The following DLGAP2 variants were observed in gnomAD, a reference collection of about 807,000 sequenced individuals.
DLGAP2 encodes the protein disks large-associated protein 2.
In DLGAP2, 26 loss-of-function variants were observed where a neutral mutation model predicts 100.3. That is an observed-to-expected ratio of 0.26 (90% CI 0.19 to 0.36). The LOEUF is 0.36. Among genes scored for constraint, DLGAP2 ranks in the 10% least tolerant of loss-of-function variants. The probability of loss-of-function intolerance (pLI) is 1.00; values close to 1 mark genes in which losing one functional copy is unlikely to be tolerated. For missense variants in DLGAP2, 1,858 were observed against 1,453.2 expected (o/e 1.28, Z -4.53); for synonymous variants, 886 against 630.1 (o/e 1.41, Z -6.08).
chr8:746,424 G>A (rs1030455198), intron 1 of DLGAP2, among the ~76,000 whole-genome samples: 6 of 152,222 alleles, frequency 3.9e-5, no homozygotes, highest in African/African-American at 1.2e-4. Context: ...ATTGGATCCC[G>A]TGTGGGGTCA....
intron 2 of DLGAP2, among the ~76,000 whole-genome samples, chr8:978,795 T>C (rs1381905637): frequency 6.6e-6 from 1 of 152,156 alleles, no homozygotes; most frequent in Non-Finnish European, 1.5e-5. Flanking sequence ...TGAAGACTTT[T>C]CAAACAGCTT....
At chr8:1,254,992 GT>G (rs1563043289) in intron 2 of DLGAP2, among the ~76,000 whole-genome samples, 1 of 129,476 alleles carries the variant, frequency 7.7e-6, no homozygotes, top group African/African-American at 3.3e-5. Flanking sequence ...CTGTGTGTGT[GT>G]CCTCTCATCC....
intron 1 of DLGAP2, among the ~76,000 whole-genome samples, chr8:812,863 A>G (rs532068182): frequency 6.6e-6 from 1 of 152,326 alleles, no homozygotes; most frequent in East Asian, 1.9e-4. Flanking sequence ...ATCCTAATGC[A>G]CCCATAGTAA....
At chr8:1,344,198 G>GGGGCGCTGTCGTGGGTCCATGTATTCA (rs1801501129) in intron 3 of DLGAP2, among the ~76,000 whole-genome samples, 1 of 119,666 alleles carries the variant, frequency 8.4e-6, no homozygotes, top group Non-Finnish European at 1.8e-5. Context: ...CCGTGTACTC[G>GGGGCGCTGTCGTGGGTCCATGTATTCA]GGGCCCTGTC....
intron 1 of DLGAP2, among the ~76,000 whole-genome samples, chr8:873,213 T>C (rs189763485): frequency 2.5e-4 from 38 of 152,394 alleles, no homozygotes; most frequent in African/African-American, 8.7e-4. Context: ...AACTCATTTA[T>C]TAATTCTAAT....
chr8:1,135,717 C>G (rs1796396199), intron 2 of DLGAP2, among the ~76,000 whole-genome samples: 1 of 152,102 alleles, frequency 6.6e-6, no homozygotes, highest in Non-Finnish European at 1.5e-5. Flanking sequence ...AAAGCCAAAC[C>G]TCTCCATGGA....
intron 12 of DLGAP2, among the ~76,000 whole-genome samples, chr8:1,690,139 G>A (rs545772182): frequency 2.6e-5 from 4 of 151,546 alleles, no homozygotes; most frequent in South Asian, 2.1e-4. Flanking sequence ...GCTGATCACC[G>A]GAGGTCAGGA....
At chr8:1,672,559 C>T (rs1798717542) in intron 10 of DLGAP2, among the ~76,000 whole-genome samples, 1 of 152,168 alleles carries the variant, frequency 6.6e-6, no homozygotes, top group Non-Finnish European at 1.5e-5. Flanking sequence ...GTGATCTCAC[C>T]AGGTTGTGAG....
At chr8:1,600,700 C>T (rs1378835800) in intron 6 of DLGAP2, among the ~76,000 whole-genome samples, 1 of 152,198 alleles carries the variant, frequency 6.6e-6, no homozygotes, top group African/African-American at 2.4e-5. Context: ...ACGAAGTTCT[C>T]ATGCTGCGTT....
intron 3 of DLGAP2, among the ~76,000 whole-genome samples, chr8:1,340,548 G>A (rs1256318297): frequency 6.6e-6 from 1 of 152,198 alleles, no homozygotes; most frequent in Non-Finnish European, 1.5e-5. Context: ...ACAGCAGTCA[G>A]AATGGCGGTT....
intron 6 of DLGAP2, among the ~76,000 whole-genome samples, chr8:1,605,396 A>G (rs1364648825): frequency 6.6e-6 from 1 of 152,146 alleles, no homozygotes; most frequent in African/African-American, 2.4e-5. Flanking sequence ...CTTGAGAAGC[A>G]AAGTGGTCTC....
At chr8:1,542,982 G>A (rs533662725) in intron 4 of DLGAP2, among the ~76,000 whole-genome samples, 1 of 152,158 alleles carries the variant, frequency 6.6e-6, no homozygotes, top group Non-Finnish European at 1.5e-5. Flanking sequence ...ACGCCTTTCT[G>A]TGTGCTCTTT....
intron 2 of DLGAP2, among the ~76,000 whole-genome samples, chr8:1,098,432 C>G (rs1230206365): frequency 2.0e-5 from 3 of 152,190 alleles, no homozygotes; most frequent in African/African-American, 7.2e-5. Flanking sequence ...GCCTCCCGGG[C>G]AGGTTTGCTT....
intron 1 of DLGAP2, among the ~76,000 whole-genome samples, chr8:783,175 G>T (rs1044893006): frequency 2.0e-5 from 3 of 152,188 alleles, no homozygotes; most frequent in African/African-American, 7.2e-5. Context: ...AAGTATCCCA[G>T]ATATTAATAC....
At chr8:1,169,586 A>G (rs1326091007) in intron 2 of DLGAP2, among the ~76,000 whole-genome samples, 1 of 152,118 alleles carries the variant, frequency 6.6e-6, no homozygotes, top group Non-Finnish European at 1.5e-5. Flanking sequence ...TGTCCTTGAA[A>G]AGGTCCTTCA....
chr8:1,227,955 A>G (rs764247899), intron 2 of DLGAP2, among the ~76,000 whole-genome samples: 1 of 152,092 alleles, frequency 6.6e-6, no homozygotes, highest in Non-Finnish European at 1.5e-5. Context: ...TGGATATGTT[A>G]TTTTGCTTTA....
intron 2 of DLGAP2, among the ~76,000 whole-genome samples, chr8:1,174,308 A>G (rs1456537291): frequency 6.6e-6 from 1 of 152,020 alleles, no homozygotes; most frequent in Non-Finnish European, 1.5e-5. Context: ...CACCGTCATT[A>G]CCATTACCAA....
At chr8:1,244,300 G>T (rs933983869) in intron 2 of DLGAP2, among the ~76,000 whole-genome samples, 3 of 152,172 alleles carry the variant, frequency 2.0e-5, no homozygotes, top group Non-Finnish European at 4.4e-5. Flanking sequence ...AATAACTGTG[G>T]AATGACTGAT....
At chr8:1,439,100 A>G (rs965096546) in intron 3 of DLGAP2, among the ~76,000 whole-genome samples, 9 of 152,188 alleles carry the variant, frequency 5.9e-5, no homozygotes, top group Non-Finnish European at 1.3e-4. Context: ...CTGGGCTGAG[A>G]AAGTGGTGAC....
Sources: allele counts gnomAD v4.1 joint callset (sites outside exome capture counted in the v4.1 genomes callset), GRCh38; gene constraint gnomAD v4.1.1; transcripts MANE v1.5; gene names NCBI Gene and HGNC (gene_info 2026-07-23, HGNC 2026-07-21).